Variants in ZFHX3 observed in about 807,000 individuals in gnomAD.
ZFHX3 encodes the protein zinc finger homeobox protein 3.
ZFHX3 carries 42 observed loss-of-function variants against 279.1 expected under a neutral mutation model. That is an observed-to-expected ratio of 0.15 (90% CI 0.12 to 0.19). The LOEUF is 0.19. Ranked by LOEUF, ZFHX3 falls within the 10% of genes least tolerant of loss-of-function variation. The pLI, the probability that ZFHX3 is intolerant of heterozygous loss-of-function variation, is 1.00. For synonymous variants in ZFHX3, 2,293 were observed against 1,957.8 expected, an observed-to-expected ratio of 1.17 and a Z score of -4.52; for missense variants, 4,981 against 4,754.0, an observed-to-expected ratio of 1.05 and a Z score of -1.40.
chr16:72,992,993 C>T lies in ZFHX3; in HGVS notation c.-49-32799G>A, dbSNP rs557960819. 2.0e-5 allele frequency among the ~76,000 whole-genome samples: 3 copies of T among 152,306 alleles called. No homozygotes were observed. The East Asian group carries it at 5.8e-4, about 29-fold the overall frequency. On this transcript the variant is annotated intron_variant, in intron 1 of 9. Coordinates refer to ENST00000268489, the MANE Select transcript of ZFHX3 (RefSeq NM_006885.4). Reference sequence around the variant, plus strand: ...CTCTACTAAAAATAGAAAAATTAGCCGGGCATGGCGCTAGGCGCCTGTAAT... The same window carrying T: ...CTCTACTAAAAATAGAAAAATTAGCTGGGCATGGCGCTAGGCGCCTGTAAT...
intron 1 of ZFHX3, among the ~76,000 whole-genome samples, chr16:73,736,827 C>T (rs2053613887): frequency 6.6e-6 from 1 of 152,182 alleles, no homozygotes; most frequent in African/African-American, 2.4e-5. Flanking sequence ...CCAACCCAAA[C>T]AGGGGTATTG....
chr16:73,058,562 G>T, exon 1 of ZFHX3: 1 of 216,550 alleles, frequency 4.6e-6, no homozygotes. Flanking sequence ...CGGCTGCAGC[G>T]GCGCTGCTGG....
At chr16:72,876,499 T>A (rs1252651760) in intron 4 of ZFHX3, among the ~76,000 whole-genome samples, 1 of 152,158 alleles carries the variant, frequency 6.6e-6, no homozygotes, top group African/African-American at 2.4e-5. Context: ...CCACGAGGCA[T>A]CGCCCGTTGG....
chr16:73,108,859 C>A, intron 7 of ZFHX3, among the ~76,000 whole-genome samples: 1 of 152,258 alleles, frequency 6.6e-6, no homozygotes, highest in East Asian at 1.9e-4. Context: ...AATGACCCTG[C>A]CTGCCCTGCA....
At chr16:72,982,993 C>T (rs983000279) in intron 1 of ZFHX3, among the ~76,000 whole-genome samples, 1 of 152,138 alleles carries the variant, frequency 6.6e-6, no homozygotes, top group Non-Finnish European at 1.5e-5. Flanking sequence ...ATTTGGGCCC[C>T]AGGATTACTG....
At position 73,644,420 on chromosome 16, in the gene ZFHX3, G is replaced by A. The variant is rs1333015495; in HGVS notation, c.-1547+35760C>T. Among the ~76,000 whole-genome samples, 3 of 152,070 alleles carry A rather than the reference G, an allele frequency of 2.0e-5. No individual in the cohort carries two copies. In the East Asian group the frequency reaches 5.8e-4, roughly 29 times the overall value. ...CATGCCTGTAATCCCAGCACTTTGG[G>A]AGGCAGAGGGGGGCAGATTACCTGA... On this transcript the variant is annotated intron_variant, in intron 2 of 17. Coordinates refer to the ZFHX3 transcript ENST00000641206.
chr16:73,497,207 C>T (rs572803511), intron 2 of ZFHX3, among the ~76,000 whole-genome samples: 7 of 152,330 alleles, frequency 4.6e-5, no homozygotes, highest in African/African-American at 1.2e-4. Context: ...CCACCATCTC[C>T]GACTGACAAG....
At chr16:72,846,468 A>AG (rs5817818) in intron 4 of ZFHX3, among the ~76,000 whole-genome samples, 152,367 of 152,368 alleles carry the variant, frequency 1, 76,183 homozygotes, top group Middle Eastern at 1. Flanking sequence ...TACCCACTGC[A>AG]GGCCACGGGC....
intron 1 of ZFHX3, among the ~76,000 whole-genome samples, chr16:73,878,767 A>T (rs1289927765): frequency 6.6e-6 from 1 of 151,920 alleles, no homozygotes; most frequent in Non-Finnish European, 1.5e-5. Context: ...GAAGAAAAAA[A>T]AATTAAGTCT....
chr16:73,848,466 T>C (rs1474335964), intron 1 of ZFHX3, among the ~76,000 whole-genome samples: 1 of 152,144 alleles, frequency 6.6e-6, no homozygotes, highest in Non-Finnish European at 1.5e-5. Context: ...ACAGGCACCA[T>C]GCAAGATACC....
chr16:73,689,005 T>C (rs9941237), intron 1 of ZFHX3, among the ~76,000 whole-genome samples: 23,190 of 152,146 alleles, frequency 0.15, 1,905 homozygotes, highest in Non-Finnish European at 0.17. Context: ...TGCCTGGTCT[T>C]GGGTATGTCT....
intron 1 of ZFHX3, among the ~76,000 whole-genome samples, chr16:73,762,884 T>C (rs1373004757): frequency 6.6e-6 from 1 of 152,132 alleles, no homozygotes; most frequent in African/African-American, 2.4e-5. Context: ...CTGGGCTTAA[T>C]ACCTAGGTGA....
chr16:73,510,720 T>C (rs2019414193), intron 2 of ZFHX3, among the ~76,000 whole-genome samples: 2 of 152,258 alleles, frequency 1.3e-5, no homozygotes, highest in Non-Finnish European at 2.9e-5. Flanking sequence ...CTCAGATTTC[T>C]CTTTAACAAG....
intron 4 of ZFHX3, among the ~76,000 whole-genome samples, chr16:72,882,704 G>C (rs1236574773): frequency 6.6e-6 from 1 of 152,150 alleles, no homozygotes; most frequent in Non-Finnish European, 1.5e-5. Flanking sequence ...CAGCAGACCA[G>C]ATCATTAGCA....
chr16:73,439,405 T>C (rs186332193), intron 3 of ZFHX3, among the ~76,000 whole-genome samples: 231 of 152,152 alleles, frequency 1.5e-3, no homozygotes, highest in Middle Eastern at 0.01. Flanking sequence ...CATCTTGAGA[T>C]GAAGTGCGCG....
At chr16:72,886,796 G>A (rs1165605315) in intron 4 of ZFHX3, among the ~76,000 whole-genome samples, 1 of 152,190 alleles carries the variant, frequency 6.6e-6, no homozygotes, top group East Asian at 1.9e-4. Flanking sequence ...CACAATCCCT[G>A]GGTGGGGCAC....
intron 4 of ZFHX3, among the ~76,000 whole-genome samples, chr16:73,265,701 C>T (rs138964052): frequency 6.6e-6 from 1 of 152,220 alleles, no homozygotes; most frequent in Non-Finnish European, 1.5e-5. Flanking sequence ...TTTCCCTGGC[C>T]AGTTTTCTGT....
chr16:73,105,335 AC>A (rs1966282419), intron 7 of ZFHX3, among the ~76,000 whole-genome samples: 1 of 133,710 alleles, frequency 7.5e-6, no homozygotes, highest in African/African-American at 3.1e-5. Context: ...ACACACACAC[AC>A]GTGTGTATAT....
At chr16:73,682,984 AAGAAAGAAAAGAAAGAAAGAAAGAAAG>A (rs1243605804) in intron 1 of ZFHX3, among the ~76,000 whole-genome samples, 7,475 of 47,278 alleles carry the variant, frequency 0.16, 716 homozygotes, top group East Asian at 0.36. Flanking sequence ...GAAAGAAAGA[AAGAAAGAAAAGAAAGAAAGAAAGAAAG>A]AGAAAGGAGG....
Sources: gnomAD v4.1 joint callset for allele counts (sites outside exome capture counted in the v4.1 genomes callset) on GRCh38, gnomAD v4.1.1 for gene constraint, MANE v1.5 for transcripts, NCBI Gene and HGNC (gene_info 2026-07-23, HGNC 2026-07-21) for gene names.